Variants in MIGA1 observed in about 807,000 individuals in gnomAD.
The protein encoded by MIGA1 is mitoguardin 1, also known as family with sequence similarity 73, member A.
In MIGA1, 58 loss-of-function variants were observed where a neutral mutation model predicts 82.0. The observed-to-expected ratio is 0.71, with a 90% CI of 0.57 to 0.88. The LOEUF (loss-of-function observed/expected upper bound fraction) is 0.88. MIGA1 is among the 40% of genes least tolerant of loss of function. The pLI is 0.00. For synonymous variants in MIGA1, 249 were observed against 253.6 expected (o/e 0.98, Z 0.17); for missense variants, 751 against 749.1 (o/e 1.00, Z -0.03).
In MIGA1 at chr1:77,843,637, A is replaced by T. The variant is rs74092307; in HGVS notation, c.996+230A>T. On this transcript the variant is annotated intron_variant, in intron 8 of 15. Transcript: ENST00000370791. ...ACACATGGTTTAGATGGGCACTTTC[A>T]TATACTGTAGATTATGGGTGAGGCA... Among the ~76,000 whole-genome samples, 1,279 of 152,326 alleles carry T rather than the reference A, an allele frequency of 8.4e-3. 16 individuals are homozygous for T. The highest frequency in any genetic ancestry group is 0.029 in the African/African-American group (1,216 of 41,566).
intron 8 of MIGA1, among the ~76,000 whole-genome samples, chr1:77,851,808 GTCT>G (rs1326602258): frequency 1.3e-5 from 2 of 151,226 alleles, no homozygotes; most frequent in African/African-American, 4.9e-5. Context: ...TTGTTGGATT[GTCT>G]TCTTATTATT....
intron 7 of MIGA1, among the ~76,000 whole-genome samples, chr1:77,815,838 A>T (rs1394882788): frequency 6.6e-6 from 1 of 152,142 alleles, no homozygotes; most frequent in Non-Finnish European, 1.5e-5. Flanking sequence ...CAAGTGATCC[A>T]CCTGCCTCAG....
chr1:77,863,845 T>C lies in MIGA1; in HGVS notation c.1375-49T>C, dbSNP rs1685560651. Reference sequence around the variant, plus strand: ...ATAAAGCCCTGGCTCAGATTTTATTTCAGCTCTATGTAATAATAATTTCTG... The same window carrying C: ...ATAAAGCCCTGGCTCAGATTTTATTCCAGCTCTATGTAATAATAATTTCTG... On this transcript the variant is annotated intron_variant, in intron 12 of 15. Transcript: ENST00000370791. 4 of 1,359,414 alleles carry C rather than the reference T, an allele frequency of 2.9e-6. No individual in the cohort carries two copies. In the Admixed American group the frequency reaches 1.0e-4, roughly 35 times the overall value. 84.2% of individuals were successfully genotyped at this position (1,359,414 alleles called of 1,614,324 possible).
At chr1:77,846,136 C>T (rs1684831963) in intron 8 of MIGA1, among the ~76,000 whole-genome samples, 1 of 152,072 alleles carries the variant, frequency 6.6e-6, no homozygotes, top group African/African-American at 2.4e-5. Context: ...AGTCACTCTC[C>T]AACTCCCTTT....
intron 14 of MIGA1, among the ~76,000 whole-genome samples, chr1:77,870,343 C>A (rs1287844316): frequency 8.4e-6 from 1 of 118,420 alleles, no homozygotes; most frequent in Non-Finnish European, 1.9e-5. Context: ...GGTTGCCAGG[C>A]AGAGGGTTTC....
At chr1:77,805,551 A>G (rs1220321039) in intron 4 of MIGA1, among the ~76,000 whole-genome samples, 1 of 124,440 alleles carries the variant, frequency 8.0e-6, no homozygotes, top group East Asian at 2.5e-4. Flanking sequence ...TTTTTTTGAG[A>G]TGGAATCTCA....
At chr1:77,869,536 T>G (rs1415072756) in intron 14 of MIGA1, among the ~76,000 whole-genome samples, 52 of 130,020 alleles carry the variant, frequency 4.0e-4, no homozygotes, top group African/African-American at 1.6e-3. Context: ...GAAGCGCCCC[T>G]CACCTCCCGG....
intron 7 of MIGA1, among the ~76,000 whole-genome samples, chr1:77,836,210 A>T (rs781456510): frequency 6.6e-6 from 1 of 152,198 alleles, no homozygotes; most frequent in Non-Finnish European, 1.5e-5. Flanking sequence ...GAAAGAAAGT[A>T]AAGTCCCTCC....
rs756665880 is a variant in MIGA1, at chr1:77,858,997, A to G, written c.1056A>G (p.Pro352=). Residue 352 remains proline, a synonymous_variant, in exon 9 of 16, where the codon CCA becomes CCG. Coordinates refer to ENST00000370791, the MANE Select transcript of MIGA1 (RefSeq NM_198549.4). ...GCCTGGAGTCCCTTTGTCACTGCCC[A>G]TTTTACGAGGAAGCCATGCATTTAG... The G allele has an allele frequency of 6.2e-7, 1 of 1,614,066 alleles. No homozygotes were observed. Among genetic ancestry groups the G allele is most frequent in the South Asian group, 1.1e-5 (1 of 91,084 alleles).
intron 2 of MIGA1, among the ~76,000 whole-genome samples, chr1:77,794,623 C>T (rs959744342): frequency 6.6e-6 from 1 of 152,014 alleles, no homozygotes; most frequent in East Asian, 1.9e-4. Flanking sequence ...TCCTATAATC[C>T]CAGCACTTTG....
At position 77,813,326 on chromosome 1, in the gene MIGA1, A is replaced by G. The variant is rs140976805; in HGVS notation, c.638-408A>G. On this transcript the variant is annotated intron_variant, in intron 5 of 15. Transcript: ENST00000370791. ...TCTTCTGAGAACTTATAAACCCGGT[A>G]GCTTTTTGTAAACTGGTTTCTTCTA... is the stretch of plus-strand genomic sequence containing the variant. Among the ~76,000 whole-genome samples, 378 of 152,238 alleles carry G rather than the reference A, an allele frequency of 2.5e-3. 11 individuals are homozygous for G. In the East Asian group the frequency reaches 0.05, roughly 20 times the overall value.
chr1:77,807,912 G>A (rs1212335220), intron 5 of MIGA1, among the ~76,000 whole-genome samples: 2 of 151,854 alleles, frequency 1.3e-5, no homozygotes, highest in African/African-American at 2.4e-5. Flanking sequence ...TCCACCTCCC[G>A]GGTTCAAGTG....
At chr1:77,787,782 A>G (rs1293339871) in intron 2 of MIGA1, among the ~76,000 whole-genome samples, 2 of 148,990 alleles carry the variant, frequency 1.3e-5, no homozygotes, top group East Asian at 1.9e-4. Flanking sequence ...TATGATTTCC[A>G]TATATTTCTC....
At chr1:77,784,938 A>G (rs1307333115) in intron 2 of MIGA1, among the ~76,000 whole-genome samples, 1 of 152,142 alleles carries the variant, frequency 6.6e-6, no homozygotes, top group Non-Finnish European at 1.5e-5. Context: ...CAAGGGAAGG[A>G]CTTGTCCCCA....
chr1:77,822,861 G>A lies in MIGA1; in HGVS notation c.895+7630G>A, dbSNP rs1023588336. Among the ~76,000 whole-genome samples, 5 of 105,848 alleles carry A rather than the reference G, an allele frequency of 4.7e-5. No individual in the cohort carries two copies. The East Asian group carries it at 1.4e-3, about 29-fold the overall frequency. The allele number at this position is 105,848 out of a possible 152,430, so 69.4% of individuals were successfully genotyped here. A position where few individuals can be genotyped will look rare whatever the true frequency, so the allele number is the denominator to read the frequency against. ...TTTTTTTTTTTTTTTTTTTTTTTCC[G>A]AGACAGAGTCTTGATCTGTCGCCCA... is the stretch of plus-strand genomic sequence containing the variant. On this transcript the variant is annotated intron_variant, in intron 7 of 15. Transcript: ENST00000370791.
At chr1:77,815,493 TC>T (rs1683538266) in intron 7 of MIGA1, among the ~76,000 whole-genome samples, 1 of 152,000 alleles carries the variant, frequency 6.6e-6, no homozygotes, top group Middle Eastern at 3.2e-3. Flanking sequence ...GGTGAAAAAA[TC>T]TAGTTAAGAG....
At chr1:77,863,325 A>G (rs976845318) in intron 12 of MIGA1, among the ~76,000 whole-genome samples, 9 of 152,076 alleles carry the variant, frequency 5.9e-5, no homozygotes, top group Non-Finnish European at 1.2e-4. Context: ...CCCTGCATTC[A>G]TTCTTTCCCC....
intron 2 of MIGA1, among the ~76,000 whole-genome samples, chr1:77,785,300 G>A (rs1358459691): frequency 6.6e-6 from 1 of 152,038 alleles, no homozygotes; most frequent in Non-Finnish European, 1.5e-5. Context: ...AAACAAAGGA[G>A]CTACAGGCCC....
intron 3 of MIGA1, among the ~76,000 whole-genome samples, chr1:77,802,976 G>A (rs1056371763): frequency 6.6e-6 from 1 of 152,024 alleles, no homozygotes; most frequent in Non-Finnish European, 1.5e-5. Flanking sequence ...ATAGTCACCA[G>A]TATTTTTATA....
Sources: allele counts gnomAD v4.1 joint callset (sites outside exome capture counted in the v4.1 genomes callset), GRCh38; gene constraint gnomAD v4.1.1; transcripts MANE v1.5; gene names NCBI Gene and HGNC (gene_info 2026-07-23, HGNC 2026-07-21).